Variants in PRKG1 observed in about 807,000 individuals in gnomAD.
The protein encoded by PRKG1 is cGMP-dependent protein kinase 1.
PRKG1 carries 35 observed loss-of-function variants against 88.1 expected under a neutral mutation model. The ratio of observed to expected loss-of-function variants is 0.40; its 90% CI spans 0.30 to 0.53. PRKG1 has a LOEUF of 0.53. Among genes scored for constraint, PRKG1 ranks in the 20% least tolerant of loss-of-function variants. The probability of loss-of-function intolerance (pLI) is 0.59; values close to 1 mark genes in which losing one functional copy is unlikely to be tolerated. For synonymous variants in PRKG1, 303 were observed against 292.5 expected, an observed-to-expected ratio of 1.04 and a Z score of -0.37; for missense variants, 540 against 839.8, an observed-to-expected ratio of 0.64 and a Z score of 4.41.
intron 3 of PRKG1, among the ~76,000 whole-genome samples, chr10:51,776,210 A>T (rs1362021366): frequency 2.6e-5 from 4 of 152,206 alleles, no homozygotes; most frequent in Admixed American, 6.5e-5. Flanking sequence ...AATAAAAGAA[A>T]ATAGGTAAAA....
At position 52,052,632 on chromosome 10, in the gene PRKG1, C is replaced by T. The variant is rs563204131; in HGVS notation, c.763-1852C>T. On this transcript the variant is annotated intron_variant, in intron 5 of 17. Coordinates refer to ENST00000373980, the MANE Select transcript of PRKG1 (RefSeq NM_006258.4). The stretch of plus-strand genomic sequence containing the variant: ...CAATCATGGCAGAAGGCAAAAGGCA[C>T]TCTTACATGGTGGCAGACAAGACAC... Among the ~76,000 whole-genome samples, 5 of 152,108 alleles carry T rather than the reference C, an allele frequency of 3.3e-5. No homozygotes were observed. In the South Asian group the frequency reaches 6.2e-4, roughly 19 times the overall value.
intron 5 of PRKG1, among the ~76,000 whole-genome samples, chr10:51,921,201 T>C (rs1162996963): frequency 6.6e-6 from 1 of 152,118 alleles, no homozygotes; most frequent in Non-Finnish European, 1.5e-5. Flanking sequence ...GTTTTTAATT[T>C]CAAATTTCAA....
intron 3 of PRKG1, among the ~76,000 whole-genome samples, chr10:51,474,837 A>T (rs1198127789): frequency 1.3e-5 from 2 of 151,940 alleles, no homozygotes; most frequent in Admixed American, 6.6e-5. Context: ...ATGTAACCTT[A>T]GCACTTCGTT....
At chr10:51,560,143 T>A (rs1837421221) in intron 3 of PRKG1, among the ~76,000 whole-genome samples, 1 of 152,092 alleles carries the variant, frequency 6.6e-6, no homozygotes, top group African/African-American at 2.4e-5. Flanking sequence ...TTGGTGAGCA[T>A]TTTCAATGGT....
At chr10:52,148,645 G>A (rs1224568958) in intron 8 of PRKG1, among the ~76,000 whole-genome samples, 1 of 152,104 alleles carries the variant, frequency 6.6e-6, no homozygotes, top group Non-Finnish European at 1.5e-5. Flanking sequence ...GGAAAGTGGG[G>A]CATCAGTGAT....
At chr10:51,266,482 G>C (rs1289131540) in intron 2 of PRKG1, among the ~76,000 whole-genome samples, 1 of 152,206 alleles carries the variant, frequency 6.6e-6, no homozygotes, top group East Asian at 1.9e-4. Flanking sequence ...TCAGACAGTA[G>C]ATTTTCTTTA....
rs112477986 is a variant in PRKG1 at position 51,456,899 on chromosome 10, C to G, written c.479-10824C>G. Among the ~76,000 whole-genome samples, 603 of 152,282 alleles carry G rather than the reference C, an allele frequency of 4.0e-3. 4 individuals carry two copies. Among genetic ancestry groups the G allele is most frequent in the Middle Eastern group, 0.01 (3 of 294 alleles). Reference sequence around the variant, plus strand: ...ACCACAAAGAGATACCACCTTACTCCTACAAGAATGGCCACAATAAAAACA... The same window carrying G: ...ACCACAAAGAGATACCACCTTACTCGTACAAGAATGGCCACAATAAAAACA... On this transcript the variant is annotated intron_variant, in intron 2 of 17. Transcript: ENST00000373980.
Position 51,347,124 on chromosome 10 carries a change from G to T in PRKG1, c.479-120599G>T, listed in dbSNP as rs559800418. On this transcript the variant is annotated intron_variant, in intron 2 of 17. Coordinates refer to ENST00000373980, the MANE Select transcript of PRKG1 (RefSeq NM_006258.4). The stretch of plus-strand genomic sequence containing the variant: ...GCTTCCCTGTTCATGAAAAAAACTG[G>T]TTTTTTTTTCTACCACCAAGACAAT... Among the ~76,000 whole-genome samples the T allele has an allele frequency of 2.1e-3, 322 of 150,706 alleles. 8 individuals carry two copies. Among genetic ancestry groups the T allele is most frequent in the East Asian group, 1.2e-3 (6 of 5,064 alleles).
intron 3 of PRKG1, among the ~76,000 whole-genome samples, chr10:51,676,268 A>G (rs1192337045): frequency 2.0e-5 from 3 of 152,030 alleles, no homozygotes; most frequent in African/African-American, 7.2e-5. Context: ...CATTTCAAGC[A>G]CTCAGGAGCC....
intron 3 of PRKG1, among the ~76,000 whole-genome samples, chr10:51,609,510 A>G (rs1054968362): frequency 6.6e-6 from 1 of 152,246 alleles, no homozygotes; most frequent in Non-Finnish European, 1.5e-5. Flanking sequence ...AGGAATATAA[A>G]TCATTCTATT....
intron 2 of PRKG1, among the ~76,000 whole-genome samples, chr10:51,440,225 T>TA (rs961087616): frequency 3.3e-5 from 5 of 151,730 alleles, no homozygotes; most frequent in Non-Finnish European, 7.4e-5. Context: ...TAAAATCCTA[T>TA]AAAAAATATA....
chr10:51,851,029 C>T (rs780980832), intron 4 of PRKG1, among the ~76,000 whole-genome samples: 24 of 152,082 alleles, frequency 1.6e-4, no homozygotes, highest in Admixed American at 3.3e-4. Flanking sequence ...GACAAACGTG[C>T]TGGGATGTTT....
intron 9 of PRKG1, among the ~76,000 whole-genome samples, chr10:52,168,215 T>G (rs1838546410): frequency 6.6e-6 from 1 of 152,214 alleles, no homozygotes; most frequent in South Asian, 2.1e-4. Flanking sequence ...CTGGGAAGTC[T>G]TCTTAGGGGA....
chr10:51,797,501 TATAA>T (rs1839046049), intron 3 of PRKG1, among the ~76,000 whole-genome samples: 2 of 146,454 alleles, frequency 1.4e-5, no homozygotes, highest in Admixed American at 6.9e-5. Context: ...ATACATTATA[TATAA>T]ATATAGAATA....
intron 2 of PRKG1, among the ~76,000 whole-genome samples, chr10:51,437,096 T>C (rs1274210022): frequency 6.6e-6 from 1 of 151,970 alleles, no homozygotes; most frequent in Non-Finnish European, 1.5e-5. Flanking sequence ...GCTTGAATTG[T>C]GTTTGTATGA....
intron 3 of PRKG1, among the ~76,000 whole-genome samples, chr10:51,716,629 T>C (rs901434201): frequency 2.6e-5 from 4 of 152,156 alleles, no homozygotes; most frequent in African/African-American, 9.7e-5. Flanking sequence ...CATTGCCTGA[T>C]TTCTGGTTTT....
chr10:51,321,034 G>A (rs940002053), intron 2 of PRKG1, among the ~76,000 whole-genome samples: 6 of 151,810 alleles, frequency 4.0e-5, no homozygotes, highest in Non-Finnish European at 8.8e-5. Context: ...TCTGCAAGGA[G>A]ATATCCTTGT....
rs374280948 is a variant in PRKG1, at chr10:51,728,489, G to A, written c.593-76096G>A. On this transcript the variant is annotated intron_variant, in intron 3 of 17. Transcript: ENST00000373980. ...TTTTTTTTTTTTTTTTTAATCAGAA[G>A]CAAAACCACAAAATCCTCACTCTCA... Among the ~76,000 whole-genome samples the A allele has an allele frequency of 3.3e-3, 387 of 116,292 alleles. 2 individuals are homozygous for A. Among genetic ancestry groups the A allele is most frequent in the Middle Eastern group, 9.0e-3 (2 of 222 alleles). 76.3% of individuals were successfully genotyped at this position (116,292 alleles called of 152,430 possible).
intron 2 of PRKG1, among the ~76,000 whole-genome samples, chr10:51,257,204 T>A (rs1413288480): frequency 1.3e-5 from 2 of 150,984 alleles, no homozygotes; most frequent in Non-Finnish European, 2.9e-5. Context: ...ATTAGTTTTG[T>A]GTTACATGGT....
Sources: gnomAD v4.1 joint callset for allele counts (sites outside exome capture counted in the v4.1 genomes callset) on GRCh38, gnomAD v4.1.1 for gene constraint, MANE v1.5 for transcripts, NCBI Gene and HGNC (gene_info 2026-07-23, HGNC 2026-07-21) for gene names.